The following NEXN variants were observed in gnomAD, a reference collection of about 807,000 sequenced individuals.
NEXN encodes nexilin.
In NEXN, 65 loss-of-function variants were observed where a neutral mutation model predicts 92.6. The observed-to-expected ratio is 0.70, with a 90% CI of 0.57 to 0.86. NEXN has a LOEUF of 0.86. NEXN is among the 40% of genes least tolerant of loss of function. The pLI is 0.00. For missense variants in NEXN, 778 were observed against 771.1 expected (o/e 1.01, Z -0.11); for synonymous variants, 254 against 242.5 (o/e 1.05, Z -0.44).
At chr1:77,929,283 C>CAATTCTTA in intron 8 of NEXN, 33 bp from the exon 9 acceptor site, 1 of 1,441,000 alleles carries the variant, frequency 6.9e-7, no homozygotes, top group Middle Eastern at 1.8e-4. Flanking sequence ...TGATGAACCT[C>CAATTCTTA]AATTCTTAGT....
intron 1 of NEXN, among the ~76,000 whole-genome samples, chr1:77,911,719 T>C (rs993419459): frequency 2.7e-5 from 4 of 148,138 alleles, no homozygotes; most frequent in Non-Finnish European, 4.4e-5. Context: ...ACTTGGGTCC[T>C]ATCCCCAAGA....
chr1:77,939,991 T>G (rs1651123144), intron 11 of NEXN, among the ~76,000 whole-genome samples: 2 of 152,112 alleles, frequency 1.3e-5, no homozygotes, highest in Non-Finnish European at 2.9e-5. Context: ...GGAGAACGGC[T>G]TGAACCCGGG....
intron 8 of NEXN, among the ~76,000 whole-genome samples, chr1:77,927,626 G>T (rs1048127744): frequency 6.6e-6 from 1 of 151,904 alleles, no homozygotes; most frequent in African/African-American, 2.4e-5. Flanking sequence ...GTGTGTGTGT[G>T]TGTGTGTAGT....
intron 11 of NEXN, chr1:77,941,615 A>T (rs1368546332): frequency 5.0e-6 from 1 of 201,118 alleles, no homozygotes; most frequent in Admixed American, 5.3e-5. Flanking sequence ...TAAAGAAGGA[A>T]AATCATTAAG....
In NEXN at chr1:77,917,662, A is replaced by AG; in HGVS notation, c.127dup (p.Glu43GlyfsTer9). The stretch of plus-strand genomic sequence containing the variant: ...TAAGTTTGAAGCCATGCAGAGAGCC[A>AG]GGGAAGAAAGAAATCAAAGGAGATC... On this transcript the variant is annotated frameshift_variant, in exon 3 of 13. Transcript: ENST00000334785. LOFTEE classifies it high-confidence loss of function. The AG allele has an allele frequency of 6.2e-7, 1 of 1,613,108 alleles. No individual in the cohort carries two copies. The highest frequency in any genetic ancestry group is 8.5e-7 in the Non-Finnish European group (1 of 1,179,352).
In NEXN at chr1:77,916,183, A is replaced by G. The variant is rs766974316; in HGVS notation, c.27+50A>G. The G allele has an allele frequency of 2.1e-6, 3 of 1,444,980 alleles. No individual in the cohort carries two copies. The South Asian group carries it at 3.6e-5, about 17-fold the overall frequency. The allele number at this position is 1,444,980 out of a possible 1,614,324, so 89.5% of individuals were successfully genotyped here. A position where few individuals can be genotyped will look rare whatever the true frequency, so the allele number is the denominator to read the frequency against. Reference sequence around the variant, plus strand: ...AATAAAAGAGGGAAATGTAGAGTTGACTGTAGAATTGCTGAAAGGACAGTC... The same window carrying G: ...AATAAAAGAGGGAAATGTAGAGTTGGCTGTAGAATTGCTGAAAGGACAGTC... On this transcript the variant is annotated intron_variant, in intron 2 of 12. Transcript: ENST00000334785.
chr1:77,938,820 C>G (rs1651009195), intron 11 of NEXN, among the ~76,000 whole-genome samples: 1 of 151,974 alleles, frequency 6.6e-6, no homozygotes, highest in Non-Finnish European at 1.5e-5. Context: ...CAGATTAACT[C>G]AGAGGTTGTA....
At chr1:77,903,622 G>A (rs1001863686) in intron 1 of NEXN, among the ~76,000 whole-genome samples, 3 of 152,152 alleles carry the variant, frequency 2.0e-5, no homozygotes, top group African/African-American at 7.2e-5. Context: ...AATTGAAGGA[G>A]CAGCTGGGGC....
At chr1:77,923,546 C>T (rs1649607266) in intron 5 of NEXN, among the ~76,000 whole-genome samples, 1 of 152,014 alleles carries the variant, frequency 6.6e-6, no homozygotes, top group Admixed American at 6.6e-5. Context: ...GTTTTCTTTT[C>T]CTGAGATCTT....
chr1:77,937,231 G>C (rs1650842439), intron 11 of NEXN, among the ~76,000 whole-genome samples: 1 of 152,172 alleles, frequency 6.6e-6, no homozygotes, highest in African/African-American at 2.4e-5. Flanking sequence ...TTGAGCCTGG[G>C]TGGTTGAGGC....
chr1:77,935,849 A>G lies in NEXN; in HGVS notation c.1278A>G (p.Gly426=). Residue 426 remains glycine, a synonymous_variant, in exon 11 of 13, where the codon GGA becomes GGG. Transcript: ENST00000334785. ...GEEEEENETF[G]LSREYEELIK... is the part of the protein sequence containing the mutation. ...AAGAGGAAGAAAATGAAACCTTTGG[A>G]TTGAGCAGAGAATATGAAGAACTGA... The G allele has an allele frequency of 6.2e-7, 1 of 1,613,036 alleles. No homozygotes were observed. Among genetic ancestry groups the G allele is most frequent in the Non-Finnish European group, 8.5e-7 (1 of 1,179,892 alleles).
intron 9 of NEXN, chr1:77,931,526 T>G (rs1020941167): frequency 6.6e-6 from 1 of 151,550 alleles, no homozygotes; most frequent in Non-Finnish European, 1.5e-5. Flanking sequence ...CTTTTTACCA[T>G]GATTCACTAG....
intron 1 of NEXN, among the ~76,000 whole-genome samples, chr1:77,909,192 G>A (rs1169994429): frequency 1.3e-5 from 2 of 152,214 alleles, no homozygotes; most frequent in East Asian, 1.9e-4. Flanking sequence ...AGGCGAAGGC[G>A]GGTGGATCAC....
At chr1:77,899,165 C>T (rs891445292) in intron 1 of NEXN, among the ~76,000 whole-genome samples, 1 of 152,088 alleles carries the variant, frequency 6.6e-6, no homozygotes, top group African/African-American at 2.4e-5. Context: ...TGGGTATATA[C>T]CCAAAGGACT....
intron 1 of NEXN, among the ~76,000 whole-genome samples, chr1:77,914,892 G>A (rs1017932099): frequency 6.6e-6 from 1 of 151,148 alleles, no homozygotes; most frequent in Admixed American, 6.6e-5. Flanking sequence ...GATTTTATCA[G>A]AATTGATTTT....
intron 1 of NEXN, among the ~76,000 whole-genome samples, chr1:77,908,066 G>C (rs1648257383): frequency 6.6e-6 from 1 of 151,912 alleles, no homozygotes; most frequent in Admixed American, 6.6e-5. Context: ...CTGGGCAACA[G>C]AGTGAGACCC....
At chr1:77,915,357 T>G (rs1291010913) in intron 1 of NEXN, among the ~76,000 whole-genome samples, 2 of 152,032 alleles carry the variant, frequency 1.3e-5, no homozygotes, top group Non-Finnish European at 2.9e-5. Context: ...TGGCCGGGCA[T>G]GGTGGCTCAT....
chr1:77,925,198 TAAAC>T lies in NEXN; in HGVS notation c.461_464del (p.Asn154IlefsTer17), dbSNP rs794729088. The T allele has an allele frequency of 1.3e-6, 2 of 1,597,820 alleles. No homozygotes were observed. The highest frequency in any genetic ancestry group is 2.2e-5 in the South Asian group (2 of 89,526). On this transcript the variant is annotated frameshift_variant, in exon 6 of 13. Coordinates refer to ENST00000334785, the MANE Select transcript of NEXN (RefSeq NM_144573.4). LOFTEE classifies it high-confidence loss of function. ...ATTCTCATTCAATAGATTGAGGACATAAACAATACGGGAACTGAATCAGCATCAG... is the reference window on the plus strand; with the variant it reads ...ATTCTCATTCAATAGATTGAGGACATAATACGGGAACTGAATCAGCATCAG...
At position 77,911,798 on chromosome 1, in the gene NEXN, T is replaced by A. The variant is rs996822473; in HGVS notation, c.-52-4257T>A. ...CAAAATCCAAAAAAGATCTGAAATC[T>A]GAGGCCAGGCACGGTGGCTCATGCT... On this transcript the variant is annotated intron_variant, in intron 1 of 12. Transcript: ENST00000334785. 1.1e-4 allele frequency among the ~76,000 whole-genome samples: 16 copies of A among 151,150 alleles called. 1 individual carries two copies. The highest frequency in any genetic ancestry group is 4.2e-4 in the South Asian group (2 of 4,780).
Sources: gnomAD v4.1 joint callset for allele counts (sites outside exome capture counted in the v4.1 genomes callset) on GRCh38, gnomAD v4.1.1 for gene constraint, MANE v1.5 for transcripts, NCBI Gene and HGNC (gene_info 2026-07-23, HGNC 2026-07-21) for gene names.